SCHIP1: variants seen among roughly 807,000 people sequenced by gnomAD.
The protein encoded by SCHIP1 is schwannomin interacting protein 1.
SCHIP1 carries 8 observed loss-of-function variants against 29.7 expected under a neutral mutation model. The ratio of observed to expected loss-of-function variants is 0.27; its 90% CI spans 0.16 to 0.49. The LOEUF (loss-of-function observed/expected upper bound fraction) is 0.49. Ranked by LOEUF, SCHIP1 falls within the 20% of genes least tolerant of loss-of-function variation. The pLI is 0.99. For missense variants in SCHIP1, 193 were observed against 294.6 expected (o/e 0.66, Z 2.52); for synonymous variants, 76 against 94.9 (o/e 0.80, Z 1.16).
chr3:159,591,458 C>T, the SCHIP1 span, among the ~76,000 whole-genome samples: 1 of 152,182 alleles, frequency 6.6e-6, no homozygotes, highest in African/African-American at 2.4e-5. Context: ...ACTATAAAGA[C>T]ACATGCACAC....
At chr3:159,790,718 C>G in the SCHIP1 span, among the ~76,000 whole-genome samples, 1 of 152,158 alleles carries the variant, frequency 6.6e-6, no homozygotes, top group Non-Finnish European at 1.5e-5. Flanking sequence ...CCATCTTTCT[C>G]TGCACATTGA....
chr3:159,580,248 G>A, the SCHIP1 span, among the ~76,000 whole-genome samples: 16 of 152,098 alleles, frequency 1.1e-4, no homozygotes, highest in African/African-American at 3.4e-4. Context: ...CCAGGATTCT[G>A]ATTTGAGGAA....
chr3:159,579,672 T>C, the SCHIP1 span, among the ~76,000 whole-genome samples: 2 of 152,120 alleles, frequency 1.3e-5, no homozygotes, highest in Non-Finnish European at 2.9e-5. Context: ...TCTAGGAAGA[T>C]TGCTTGGAAA....
the SCHIP1 span, among the ~76,000 whole-genome samples, chr3:159,567,375 C>T: frequency 0.013 from 1,909 of 152,134 alleles, 36 homozygotes; most frequent in African/African-American, 0.044. Flanking sequence ...ACAGTTCATC[C>T]TTTTTTTCTT....
chr3:159,398,968 C>T, the SCHIP1 span: 1 of 983,220 alleles, frequency 1.0e-6, no homozygotes, highest in Non-Finnish European at 1.2e-6. Context: ...GGCAATTTGC[C>T]CAGTCTACAG....
the SCHIP1 span, among the ~76,000 whole-genome samples, chr3:159,589,294 T>G: frequency 0.021 from 3,204 of 152,310 alleles, 112 homozygotes; most frequent in African/African-American, 0.074. Context: ...ACGCTTGTGA[T>G]TTTTGCACAT....
chr3:159,711,894 TC>T, the SCHIP1 span, among the ~76,000 whole-genome samples: 1 of 152,050 alleles, frequency 6.6e-6, no homozygotes, highest in Non-Finnish European at 1.5e-5. Context: ...TCAGTAAGCT[TC>T]CCCCTGAACC....
chr3:159,325,089 A>G, the SCHIP1 span, among the ~76,000 whole-genome samples: 6 of 152,120 alleles, frequency 3.9e-5, no homozygotes, highest in Non-Finnish European at 7.4e-5. Context: ...TTATGCATCA[A>G]TTCCATATGT....
At chr3:159,773,335 T>C in the SCHIP1 span, among the ~76,000 whole-genome samples, 2 of 152,168 alleles carry the variant, frequency 1.3e-5, no homozygotes, top group African/African-American at 4.8e-5. Flanking sequence ...TAGACAGGGA[T>C]TCTGGGAGAT....
At chr3:159,739,860 A>G in the SCHIP1 span, among the ~76,000 whole-genome samples, 4 of 152,242 alleles carry the variant, frequency 2.6e-5, no homozygotes, top group Non-Finnish European at 2.9e-5. Flanking sequence ...TTACATGAAC[A>G]ACTGCGACCA....
chr3:159,813,614 G>A, the SCHIP1 span, among the ~76,000 whole-genome samples: 4 of 152,050 alleles, frequency 2.6e-5, no homozygotes, highest in Non-Finnish European at 5.9e-5. Flanking sequence ...CTTGAGGCCA[G>A]GAGTTCGAGG....
At chr3:159,884,722 G>C (rs965426471) in intron 2 of SCHIP1, among the ~76,000 whole-genome samples, 1 of 152,066 alleles carries the variant, frequency 6.6e-6, no homozygotes, top group African/African-American at 2.4e-5. Context: ...CCATTTTATC[G>C]ATGAGGAAAA....
chr3:159,701,256 T>C, the SCHIP1 span, among the ~76,000 whole-genome samples: 1 of 152,230 alleles, frequency 6.6e-6, no homozygotes, highest in East Asian at 1.9e-4. Flanking sequence ...TATGAGTGTA[T>C]GTGCATCCTT....
At chr3:159,399,994 C>A in the SCHIP1 span, among the ~76,000 whole-genome samples, 1 of 152,090 alleles carries the variant, frequency 6.6e-6, no homozygotes, top group Non-Finnish European at 1.5e-5. Context: ...AGGTTAGGAC[C>A]AATAAGTGAA....
the SCHIP1 span, among the ~76,000 whole-genome samples, chr3:159,763,247 C>T: frequency 3.3e-5 from 5 of 152,006 alleles, no homozygotes; most frequent in African/African-American, 9.6e-5. Context: ...GCATGACCAC[C>T]GAGCACACGT....
At chr3:159,511,596 G>A in the SCHIP1 span, among the ~76,000 whole-genome samples, 889 of 152,168 alleles carry the variant, frequency 5.8e-3, 5 homozygotes, top group Middle Eastern at 0.02. Flanking sequence ...GTTCCTATTC[G>A]GCCATCTTGG....
chr3:159,668,785 T>A, the SCHIP1 span, among the ~76,000 whole-genome samples: 1 of 152,202 alleles, frequency 6.6e-6, no homozygotes, highest in African/African-American at 2.4e-5. Context: ...CTTTCTGCAG[T>A]ATAGAACTTT....
chr3:159,602,933 C>G, the SCHIP1 span, among the ~76,000 whole-genome samples: 1 of 152,158 alleles, frequency 6.6e-6, no homozygotes, highest in Admixed American at 6.5e-5. Flanking sequence ...CTGACACTCT[C>G]CACCTGGAGA....
chr3:159,795,479 G>A, the SCHIP1 span, among the ~76,000 whole-genome samples: 2 of 152,356 alleles, frequency 1.3e-5, no homozygotes, highest in East Asian at 3.9e-4. Context: ...TTCCAGATGA[G>A]ACTTACAGAT....
Sources: gnomAD v4.1 joint callset for allele counts (sites outside exome capture counted in the v4.1 genomes callset) on GRCh38, gnomAD v4.1.1 for gene constraint, MANE v1.5 for transcripts, NCBI Gene and HGNC (gene_info 2026-07-23, HGNC 2026-07-21) for gene names.